FAM83B: variants seen among roughly 807,000 people sequenced by gnomAD.
The protein encoded by FAM83B is scaffolding CK1 anchoring protein B.
FAM83B carries 26 observed loss-of-function variants against 38.8 expected under a neutral mutation model. That is an observed-to-expected ratio of 0.67 (90% CI 0.49 to 0.93). The LOEUF (loss-of-function observed/expected upper bound fraction) is 0.93. Ranked by LOEUF, FAM83B falls within the 40% of genes least tolerant of loss-of-function variation. FAM83B has a pLI of 0.00. For synonymous variants in FAM83B, 419 were observed against 423.1 expected (o/e 0.99, Z 0.12); for missense variants, 1,237 against 1,197.3 (o/e 1.03, Z -0.49).
At position 54,944,447 on chromosome 6, in the gene FAM83B, A is replaced by G. The variant is rs1773762479; in HGVS notation, c.*2440A>G. On this transcript the variant is annotated 3_prime_UTR_variant, in exon 5 of 5. Coordinates refer to ENST00000306858, the MANE Select transcript of FAM83B (RefSeq NM_001010872.3). ...AAAGTAGTTCTTGGCAGATGGCTAGAGAATACTGCAAGTGACCCTGTATCC... is the reference window on the plus strand; with the variant it reads ...AAAGTAGTTCTTGGCAGATGGCTAGGGAATACTGCAAGTGACCCTGTATCC... The G allele has an allele frequency of 6.6e-6, 1 of 152,218 alleles. No homozygotes were observed. Among genetic ancestry groups the G allele is most frequent in the Admixed American group, 6.5e-5 (1 of 15,278 alleles). The allele number at this position is 152,218 out of a possible 1,614,324, so 9.4% of individuals were successfully genotyped here.
chr6:54,900,855 T>C (rs1306564221), intron 2 of FAM83B, among the ~76,000 whole-genome samples: 1 of 152,190 alleles, frequency 6.6e-6, no homozygotes, highest in Non-Finnish European at 1.5e-5. Context: ...GGCTGGGAAA[T>C]GTGGGCATAG....
chr6:54,882,970 G>T (rs968621612), intron 2 of FAM83B, among the ~76,000 whole-genome samples: 4 of 152,006 alleles, frequency 2.6e-5, no homozygotes, highest in African/African-American at 9.7e-5. Flanking sequence ...TTGAGATGGA[G>T]TCTCGCTCTG....
chr6:54,871,555 C>CAATAATAATAATAAT (rs3064912), intron 2 of FAM83B, among the ~76,000 whole-genome samples: 1 of 127,150 alleles, frequency 7.9e-6, no homozygotes. Context: ...CTCGTCTCTA[C>CAATAATAATAATAAT]AATAATAATA....
intron 1 of FAM83B, among the ~76,000 whole-genome samples, chr6:54,847,219 C>A (rs1771159301): frequency 7.0e-6 from 1 of 142,620 alleles, no homozygotes; most frequent in Non-Finnish European, 1.5e-5. Flanking sequence ...GAGGAGAGAC[C>A]GCTGGGAAAA....
intron 2 of FAM83B, among the ~76,000 whole-genome samples, chr6:54,902,512 A>G (rs1469078440): frequency 2.0e-5 from 3 of 152,118 alleles, no homozygotes; most frequent in African/African-American, 7.2e-5. Flanking sequence ...CTCTATTATG[A>G]TCATCGTCTT....
chr6:54,869,716 T>C (rs937345064), intron 1 of FAM83B, among the ~76,000 whole-genome samples: 2 of 152,192 alleles, frequency 1.3e-5, no homozygotes, highest in Non-Finnish European at 2.9e-5. Context: ...AAGCACTGAA[T>C]ATAGGCATTA....
Position 54,927,549 on chromosome 6 carries a change from A to G in FAM83B, c.651A>G (p.Ser217=). ...VRTVKGQDYL[S]KTGAKFHGKM... is the part of the protein sequence containing the mutation. ...CAGTAAAAGGCCAAGATTATCTTTCAAAAACAGGGGCAAAATTCCATGGAA... is the reference window on the plus strand; with the variant it reads ...CAGTAAAAGGCCAAGATTATCTTTCGAAAACAGGGGCAAAATTCCATGGAA... The change falls in exon 4 of 5, where the codon TCA becomes TCG. Residue 217 remains serine (S), a synonymous_variant. Transcript: ENST00000306858. 1 of 1,608,916 alleles carries G rather than the reference A, an allele frequency of 6.2e-7. No individual in the cohort carries two copies. The highest frequency in any genetic ancestry group is 8.5e-7 in the Non-Finnish European group (1 of 1,176,842).
chr6:54,930,412 C>G (rs535026884), intron 4 of FAM83B, among the ~76,000 whole-genome samples: 1 of 152,154 alleles, frequency 6.6e-6, no homozygotes, highest in Non-Finnish European at 1.5e-5. Flanking sequence ...GGAAGCACAC[C>G]TGGGGGCCTG....
At chr6:54,876,603 G>A (rs1772002896) in intron 2 of FAM83B, among the ~76,000 whole-genome samples, 1 of 151,848 alleles carries the variant, frequency 6.6e-6, no homozygotes, top group African/African-American at 2.4e-5. Context: ...ACAGACATGA[G>A]CCACCGCACC....
chr6:54,869,785 C>T lies in FAM83B; in HGVS notation c.-60-402C>T, dbSNP rs1313035729. On this transcript the variant is annotated intron_variant, in intron 1 of 4. Coordinates refer to ENST00000306858, the MANE Select transcript of FAM83B (RefSeq NM_001010872.3). ...TCAAAGTGGTAAGTAATGTTTTTTGCGTACAATTTGCCTCCTCAACTAATT... is the reference window on the plus strand; with the variant it reads ...TCAAAGTGGTAAGTAATGTTTTTTGTGTACAATTTGCCTCCTCAACTAATT... Among the ~76,000 whole-genome samples the T allele has an allele frequency of 3.9e-5, 6 of 152,144 alleles. No individual in the cohort carries two copies. In the East Asian group the frequency reaches 9.6e-4, roughly 24 times the overall value.
chr6:54,903,329 G>A (rs768140310), intron 2 of FAM83B, among the ~76,000 whole-genome samples: 42 of 152,168 alleles, frequency 2.8e-4, no homozygotes, highest in East Asian at 2.1e-3. Context: ...GAGTTGGACC[G>A]GCATGGCAAA....
chr6:54,872,314 C>A (rs1202904461), intron 2 of FAM83B, among the ~76,000 whole-genome samples: 1 of 152,110 alleles, frequency 6.6e-6, no homozygotes, highest in African/African-American at 2.4e-5. Context: ...GCCTTGTGAA[C>A]AAATTATACA....
intron 1 of FAM83B, among the ~76,000 whole-genome samples, chr6:54,862,723 A>C (rs1484906375): frequency 6.6e-6 from 1 of 152,074 alleles, no homozygotes; most frequent in Non-Finnish European, 1.5e-5. Flanking sequence ...CTAAAATACA[A>C]GAAAAGAAAA....
At chr6:54,897,947 A>G (rs1004208620) in intron 2 of FAM83B, among the ~76,000 whole-genome samples, 20 of 152,210 alleles carry the variant, frequency 1.3e-4, no homozygotes, top group African/African-American at 4.6e-4. Context: ...AACATACCTG[A>G]ATTATTACAT....
chr6:54,931,189 T>C (rs1773412190), intron 4 of FAM83B, among the ~76,000 whole-genome samples: 2 of 152,202 alleles, frequency 1.3e-5, no homozygotes, highest in Admixed American at 6.6e-5. Flanking sequence ...TTCTTTAATT[T>C]GTTGAGGTTT....
At chr6:54,900,336 C>G (rs907230828) in intron 2 of FAM83B, among the ~76,000 whole-genome samples, 1 of 152,122 alleles carries the variant, frequency 6.6e-6, no homozygotes, top group African/African-American at 2.4e-5. Flanking sequence ...GGGAACTTTT[C>G]AAACTGCTCA....
chr6:54,864,268 C>G (rs1771651485), intron 1 of FAM83B, among the ~76,000 whole-genome samples: 1 of 152,032 alleles, frequency 6.6e-6, no homozygotes, highest in Non-Finnish European at 1.5e-5. Flanking sequence ...ATTGCTATCC[C>G]CTCCCTCCAG....
At chr6:54,935,779 A>T (rs1773512608) in intron 4 of FAM83B, among the ~76,000 whole-genome samples, 1 of 152,104 alleles carries the variant, frequency 6.6e-6, no homozygotes, top group South Asian at 2.1e-4. Flanking sequence ...TGATAGTGGG[A>T]TAGGACTGAT....
intron 4 of FAM83B, among the ~76,000 whole-genome samples, chr6:54,937,578 T>G (rs1773552178): frequency 1.3e-5 from 2 of 152,080 alleles, no homozygotes; most frequent in African/African-American, 4.8e-5. Context: ...GTCTGAAAAT[T>G]TACCGACTCT....
Sources: gnomAD v4.1 joint callset for allele counts (sites outside exome capture counted in the v4.1 genomes callset) on GRCh38, gnomAD v4.1.1 for gene constraint, MANE v1.5 for transcripts, NCBI Gene and HGNC (gene_info 2026-07-23, HGNC 2026-07-21) for gene names.